Variants in ST7L observed in about 807,000 individuals in gnomAD.
ST7L encodes the protein suppression of tumorigenicity 7 like.
A neutral mutation model predicts 72.5 loss-of-function variants in ST7L; 57 were observed. The observed-to-expected ratio is 0.79, with a 90% CI of 0.64 to 0.98. ST7L has a LOEUF of 0.98. ST7L is among the 50% of genes least tolerant of loss of function. The pLI is 0.00. For missense variants in ST7L, 576 were observed against 672.2 expected, an observed-to-expected ratio of 0.86 and a Z score of 1.58; for synonymous variants, 221 against 240.9, an observed-to-expected ratio of 0.92 and a Z score of 0.77.
chr1:112,619,278 T>C (rs1367105347), upstream of ST7L: 5 of 661,008 alleles, frequency 7.6e-6, no homozygotes, highest in African/African-American at 1.8e-5. Flanking sequence ...TGTCTCAAGA[T>C]TGGGGCTACC....
chr1:112,601,684 G>A (rs528435815), intron 3 of ST7L, among the ~76,000 whole-genome samples: 42 of 152,274 alleles, frequency 2.8e-4, no homozygotes, highest in African/African-American at 9.4e-4. Flanking sequence ...GCAAAATGAC[G>A]AACATCTGCA....
chr1:112,552,196 A>G (rs1658316954), intron 12 of ST7L, among the ~76,000 whole-genome samples: 1 of 152,088 alleles, frequency 6.6e-6, no homozygotes, highest in African/African-American at 2.4e-5. Flanking sequence ...GAAACCCACA[A>G]AGGCATGGGA....
chr1:112,561,599 G>T (rs1254094308), intron 11 of ST7L, among the ~76,000 whole-genome samples: 1 of 151,516 alleles, frequency 6.6e-6, no homozygotes, highest in Non-Finnish European at 1.5e-5. Context: ...TCCTGCCTCA[G>T]CCTCCTGAGT....
At chr1:112,609,577 A>G (rs943925436) in intron 3 of ST7L, among the ~76,000 whole-genome samples, 1 of 151,944 alleles carries the variant, frequency 6.6e-6, no homozygotes, top group Non-Finnish European at 1.5e-5. Context: ...TAATCCCAGA[A>G]CTTTAGGAGG....
rs1277258397 is a variant in ST7L, at chr1:112,582,461, T to C, written c.868A>G (p.Asn290Asp). 15 of 1,599,050 alleles carry C rather than the reference T, an allele frequency of 9.4e-6. No homozygotes were observed. Among genetic ancestry groups the C allele is most frequent in the Non-Finnish European group, 1.3e-5 (15 of 1,171,264 alleles). The change falls in exon 8 of 15, where the codon AAT (asparagine) becomes GAT (aspartate). Residue 290 changes from asparagine to aspartate, a missense_variant. Physicochemically the swap from Asn to Asp is conservative, Grantham distance 23. This residue lies in a region of ST7L where 511 missense variants were observed against 600.7 expected (regional missense o/e 0.85). Transcript: ENST00000358039. The stretch of plus-strand genomic sequence containing the variant: ...CTTCTTTTAATATATACCAGTACAT[T>C]GGTATCTCTCCCTATTTAGAAAAAC... ...QHEAQLRRDT[N>D]VLVYIKRRLA...
intron 12 of ST7L, among the ~76,000 whole-genome samples, chr1:112,552,189 ACC>A (rs1490845740): frequency 6.6e-6 from 1 of 152,116 alleles, no homozygotes; most frequent in Non-Finnish European, 1.5e-5. Context: ...GTAAGGGGAA[ACC>A]CACAAAGGCA....
intron 11 of ST7L, among the ~76,000 whole-genome samples, chr1:112,566,294 CTTCT>C (rs1336387201): frequency 9.2e-6 from 1 of 108,976 alleles, no homozygotes; most frequent in Non-Finnish European, 1.7e-5. Flanking sequence ...TTTTCTTCTT[CTTCT>C]TTTTTTTTTT....
chr1:112,566,294 C>CTTTTTTTTT (rs33915951), intron 11 of ST7L, among the ~76,000 whole-genome samples: 12 of 108,966 alleles, frequency 1.1e-4, no homozygotes, highest in African/African-American at 1.2e-4. Context: ...TTTTCTTCTT[C>CTTTTTTTTT]TTCTTTTTTT....
intron 11 of ST7L, among the ~76,000 whole-genome samples, chr1:112,567,140 T>A (rs1269058733): frequency 6.6e-6 from 1 of 152,242 alleles, no homozygotes; most frequent in Non-Finnish European, 1.5e-5. Context: ...ATTTTAGTCA[T>A]TCTGATAGAT....
chr1:112,532,793 T>C (rs991607998), intron 14 of ST7L, among the ~76,000 whole-genome samples: 3 of 152,228 alleles, frequency 2.0e-5, no homozygotes, highest in African/African-American at 7.2e-5. Context: ...GATAATTTTA[T>C]GATTTCCTCA....
chr1:112,519,772 T>A (rs1477709793), downstream of ST7L, among the ~76,000 whole-genome samples: 1 of 152,110 alleles, frequency 6.6e-6, no homozygotes, highest in Non-Finnish European at 1.5e-5. Flanking sequence ...TATTTTCATA[T>A]GAGAAACTAA....
chr1:112,519,687 C>T (rs999477305), downstream of ST7L, among the ~76,000 whole-genome samples: 3 of 152,094 alleles, frequency 2.0e-5, no homozygotes, highest in African/African-American at 7.2e-5. Context: ...TAGGAATATG[C>T]CTCCAGCCAG....
chr1:112,536,930 C>A (rs1655298446), intron 14 of ST7L, among the ~76,000 whole-genome samples: 1 of 152,052 alleles, frequency 6.6e-6, no homozygotes, highest in African/African-American at 2.4e-5. Context: ...TGATTCCTAC[C>A]TTTACCTGTA....
chr1:112,601,571 A>G (rs1452253278), intron 3 of ST7L, among the ~76,000 whole-genome samples: 2 of 152,170 alleles, frequency 1.3e-5, no homozygotes, highest in African/African-American at 4.8e-5. Context: ...AAGAGAAAAA[A>G]AAAGAAGTGA....
At chr1:112,556,997 A>AAAAAAAAAAAAAAT (rs1557974323) in intron 11 of ST7L, among the ~76,000 whole-genome samples, 1 of 142,666 alleles carries the variant, frequency 7.0e-6, no homozygotes, top group Non-Finnish European at 1.5e-5. Context: ...AAAAAAAAAA[A>AAAAAAAAAAAAAAT]ACACAAAGAA....
chr1:112,568,478 A>T (rs1661431145), intron 11 of ST7L, among the ~76,000 whole-genome samples: 1 of 151,126 alleles, frequency 6.6e-6, no homozygotes, highest in Non-Finnish European at 1.5e-5. Context: ...CTGGGACTAC[A>T]GGCGCCCACC....
At chr1:112,575,566 G>A (rs1456522314) in intron 11 of ST7L, among the ~76,000 whole-genome samples, 3 of 152,162 alleles carry the variant, frequency 2.0e-5, no homozygotes, top group Non-Finnish European at 2.9e-5. Context: ...AGTGACTAAT[G>A]GGCGGGTAGC....
At chr1:112,596,702 A>G (rs562615862) in intron 5 of ST7L, among the ~76,000 whole-genome samples, 16 of 152,154 alleles carry the variant, frequency 1.1e-4, no homozygotes, top group Admixed American at 8.5e-4. Context: ...CAATGGCCCA[A>G]TCTCAGCTCA....
intron 9 of ST7L, among the ~76,000 whole-genome samples, chr1:112,580,131 A>G (rs182791244): frequency 2.6e-4 from 40 of 151,714 alleles, no homozygotes; most frequent in Admixed American, 4.6e-4. Flanking sequence ...AACAGGACAA[A>G]TGTGAATAAA....
Sources: gnomAD v4.1 joint callset for allele counts (sites outside exome capture counted in the v4.1 genomes callset) on GRCh38, gnomAD v4.1.1 for gene constraint, gnomAD v4.1.1 regional missense constraint, MANE v1.5 for transcripts, NCBI Gene and HGNC (gene_info 2026-07-23, HGNC 2026-07-21) for gene names.